RPL37A: variants seen among roughly 807,000 people sequenced by gnomAD.
RPL37A encodes the protein large ribosomal subunit protein eL43.
Under a neutral mutation model 13.6 loss-of-function variants are expected in RPL37A, and 5 were observed. That is an observed-to-expected ratio of 0.37 (90% CI 0.19 to 0.78). The LOEUF is 0.78. Ranked by LOEUF, RPL37A falls within the 30% of genes least tolerant of loss-of-function variation. The pLI, the probability that RPL37A is intolerant of heterozygous loss-of-function variation, is 0.49. For synonymous variants in RPL37A, 50 were observed against 44.4 expected (o/e 1.13, Z -0.50); for missense variants, 77 against 120.0 (o/e 0.64, Z 1.67).
At chr2:216,500,171 G>A (rs531220365) in intron 3 of RPL37A, 140 bp downstream of exon 3, 26 of 663,768 alleles carry the variant, frequency 3.9e-5, no homozygotes, top group Non-Finnish European at 6.2e-5. Flanking sequence ...GGATTCTTCC[G>A]TGGTGGTTTA....
At chr2:216,499,437 G>A in intron 2 of RPL37A, 39 bp downstream of exon 2, 1 of 1,608,538 alleles carries the variant, frequency 6.2e-7, no homozygotes, top group South Asian at 1.1e-5. Flanking sequence ...GAGAGGGAGG[G>A]CAGGTTTCTT....
At chr2:216,500,427 C>CGAGATCTACACCG in intron 3 of RPL37A, 1 of 272,958 alleles carries the variant, frequency 3.7e-6, no homozygotes, top group East Asian at 9.5e-5. Flanking sequence ...TCAGGACCAC[C>CGAGATCTACACCG]ACAGTTTCGT....
chr2:216,499,902 A>G, intron 2 of RPL37A, 47 bp from the exon 3 acceptor site: 1 of 1,498,736 alleles, frequency 6.7e-7, no homozygotes, highest in South Asian at 1.1e-5. Context: ...TGCTTGTAAG[A>G]GAAAATACTT....
rs1283508871 is a variant in RPL37A at position 216,503,183 on chromosome 2, ATGC to A, written c.*1783_*1785del. On this transcript the variant is annotated 3_prime_UTR_variant, in exon 4 of 4. Coordinates refer to ENST00000491306, the MANE Select transcript of RPL37A (RefSeq NM_000998.5). ...AATTGAATGAGCATTAGATGGTCTA[ATGC>A]TGCGGTTAAGAACACCAACTTAGCC... The A allele has an allele frequency of 1.3e-5, 2 of 152,138 alleles. No homozygotes were observed. Among genetic ancestry groups the A allele is most frequent in the Non-Finnish European group, 2.9e-5 (2 of 68,024 alleles). The allele number at this position is 152,138 out of a possible 1,614,324, so 9.4% of individuals were successfully genotyped here. A position where few individuals can be genotyped will look rare whatever the true frequency, so the allele number is the denominator to read the frequency against.
At chr2:216,500,288 C>T (rs1695577163) in intron 3 of RPL37A, 1 of 534,086 alleles carries the variant, frequency 1.9e-6, no homozygotes, top group Non-Finnish European at 3.4e-6. Flanking sequence ...TTGTTGTGAA[C>T]ATTGTCATGA....
chr2:216,500,091 G>GCAACCTGGAA, intron 3 of RPL37A, 60 bp downstream of exon 3: 3 of 1,337,782 alleles, frequency 2.2e-6, no homozygotes, highest in Non-Finnish European at 3.2e-6. Context: ...CAAATTCCAG[G>GCAACCTGGAA]TTGCTGCTGG....
At chr2:216,499,804 T>G (rs181997733) in intron 2 of RPL37A, 145 bp from the exon 3 acceptor site, 9 of 763,090 alleles carry the variant, frequency 1.2e-5, no homozygotes, top group Non-Finnish European at 2.1e-5. Context: ...AAATACTGCA[T>G]TACAGCAATC....
chr2:216,499,146 A>C, intron 1 of RPL37A, 124 bp from the exon 2 acceptor site: 2 of 1,308,354 alleles, frequency 1.5e-6, no homozygotes, highest in Admixed American at 4.5e-5. Context: ...ATTTAGGGAA[A>C]ACTAGGTCAT....
chr2:216,499,455 T>C (rs1476281715), intron 2 of RPL37A, 57 bp downstream of exon 2: 2 of 1,594,674 alleles, frequency 1.3e-6, no homozygotes, highest in Admixed American at 1.7e-5. Flanking sequence ...CTTACCCAAG[T>C]GAGGCCTGAC....
At chr2:216,499,011 T>C (rs1422457369) in intron 1 of RPL37A, 134 bp downstream of exon 1, 6 of 1,374,496 alleles carry the variant, frequency 4.4e-6, no homozygotes, top group Non-Finnish European at 6.1e-6. Flanking sequence ...GGAGACACCA[T>C]TGTCGGAAGC....
chr2:216,499,057 G>T, intron 1 of RPL37A, 180 bp downstream of exon 1: 1 of 1,161,166 alleles, frequency 8.6e-7, no homozygotes, highest in Non-Finnish European at 1.2e-6. Flanking sequence ...CCTTGGCTGG[G>T]CCTGGCGCGC....
rs182880683 is a variant in RPL37A, at chr2:216,502,481, T to C, written c.*1077T>C. On this transcript the variant is annotated 3_prime_UTR_variant, in exon 4 of 4. Transcript: ENST00000491306. The stretch of plus-strand genomic sequence containing the variant: ...CAAACGTCTGCAATTCTCCAGTTTT[T>C]AGTTTGCACGTAAGGATTCGTAGGA... 7.9e-5 allele frequency: 12 copies of C among 152,378 alleles called. No homozygotes were observed. The allele number at this position is 152,378 out of a possible 1,614,324, so 9.4% of individuals were successfully genotyped here. A position where few individuals can be genotyped will look rare whatever the true frequency, so the allele number is the denominator to read the frequency against.
chr2:216,500,871 A>G (rs1695587631), intron 3 of RPL37A: 2 of 152,376 alleles, frequency 1.3e-5, no homozygotes, highest in South Asian at 4.1e-4. Flanking sequence ...TTCCTTAATC[A>G]TTGTTCTCAC....
chr2:216,502,936 A>T lies in RPL37A; in HGVS notation c.*1532A>T, dbSNP rs550080224. The T allele has an allele frequency of 6.6e-6, 1 of 152,310 alleles. No homozygotes were observed. The highest frequency in any genetic ancestry group is 1.9e-4 in the East Asian group (1 of 5,186). The allele number at this position is 152,310 out of a possible 1,614,324, so 9.4% of individuals were successfully genotyped here. A position where few individuals can be genotyped will look rare whatever the true frequency, so the allele number is the denominator to read the frequency against. On this transcript the variant is annotated 3_prime_UTR_variant, in exon 4 of 4. Coordinates refer to ENST00000491306, the MANE Select transcript of RPL37A (RefSeq NM_000998.5). ...ACTGGGTCAGGCATTTGCTAGATCC[A>T]TAGCAGTAACTCATCTGTGGATCTC...
In RPL37A at chr2:216,503,720, G is replaced by C. The variant is rs1695635400; in HGVS notation, c.*2316G>C. 6.6e-6 allele frequency: 1 copy of C among 152,160 alleles called. No homozygotes were observed. The highest frequency in any genetic ancestry group is 1.5e-5 in the Non-Finnish European group (1 of 68,030). 9.4% of individuals were successfully genotyped at this position (152,160 alleles called of 1,614,324 possible). ...AGCCATGTATTGCTTTTTTATGACA[G>C]TTAAAAGAGGAAAGGGCGGGGGACA... On this transcript the variant is annotated 3_prime_UTR_variant, in exon 4 of 4. Coordinates refer to ENST00000491306, the MANE Select transcript of RPL37A (RefSeq NM_000998.5).
chr2:216,502,322 C>G lies in RPL37A; in HGVS notation c.*918C>G, dbSNP rs1258791858. 6.6e-6 allele frequency: 1 copy of G among 151,784 alleles called. No homozygotes were observed. The allele number at this position is 151,784 out of a possible 1,614,324, so 9.4% of individuals were successfully genotyped here. ...ATTTAGCCAGGACAACACTCTGTCT[C>G]CAAAAAAAAGTTTCTGAAGGTAAAA... On this transcript the variant is annotated 3_prime_UTR_variant, in exon 4 of 4. Coordinates refer to ENST00000491306, the MANE Select transcript of RPL37A (RefSeq NM_000998.5).
At chr2:216,499,184 A>T (rs1695552695) in intron 1 of RPL37A, 86 bp from the exon 2 acceptor site, 5 of 1,457,148 alleles carry the variant, frequency 3.4e-6, no homozygotes, top group Non-Finnish European at 4.7e-6. Context: ...GTCACACGTC[A>T]GTGAGGTGGA....
chr2:216,502,760 C>T lies in RPL37A; in HGVS notation c.*1356C>T, dbSNP rs1325239031. On this transcript the variant is annotated 3_prime_UTR_variant, in exon 4 of 4. Coordinates refer to ENST00000491306, the MANE Select transcript of RPL37A (RefSeq NM_000998.5). Reference sequence around the variant, plus strand: ...ATGTGGATTTACTTCATCTTTAGGACAGAGTAAAAACCTTTATTTCACTTG... The same window carrying T: ...ATGTGGATTTACTTCATCTTTAGGATAGAGTAAAAACCTTTATTTCACTTG... 6.6e-6 allele frequency: 1 copy of T among 152,204 alleles called. No homozygotes were observed. The highest frequency in any genetic ancestry group is 2.4e-5 in the African/African-American group (1 of 41,458). 9.4% of individuals were successfully genotyped at this position (152,204 alleles called of 1,614,324 possible).
In RPL37A at chr2:216,502,413, A is replaced by G. The variant is rs1284280518; in HGVS notation, c.*1009A>G. The G allele has an allele frequency of 6.6e-6, 1 of 152,272 alleles. No homozygotes were observed. The highest frequency in any genetic ancestry group is 1.9e-4 in the East Asian group (1 of 5,196). 9.4% of individuals were successfully genotyped at this position (152,272 alleles called of 1,614,324 possible). ...GTTTCATTTGACCTACACCATCAGCATCTTCAGGAAACAGTATGAAACTAA... is the reference window on the plus strand; with the variant it reads ...GTTTCATTTGACCTACACCATCAGCGTCTTCAGGAAACAGTATGAAACTAA... On this transcript the variant is annotated 3_prime_UTR_variant, in exon 4 of 4. Transcript: ENST00000491306.
Sources: allele counts gnomAD v4.1 joint callset, GRCh38; gene constraint gnomAD v4.1.1; transcripts MANE v1.5; gene names NCBI Gene and HGNC (gene_info 2026-07-23, HGNC 2026-07-21).